The following PRKG1 variants were observed in gnomAD, a reference collection of about 807,000 sequenced individuals.
The protein encoded by PRKG1 is cGMP-dependent protein kinase 1.
PRKG1 carries 35 observed loss-of-function variants against 88.1 expected under a neutral mutation model. That is an observed-to-expected ratio of 0.40 (90% CI 0.30 to 0.53). The LOEUF (loss-of-function observed/expected upper bound fraction) is 0.53. Ranked by LOEUF, PRKG1 falls within the 20% of genes least tolerant of loss-of-function variation. PRKG1 has a pLI of 0.59. For synonymous variants in PRKG1, 303 were observed against 292.5 expected (o/e 1.04, Z -0.37); for missense variants, 540 against 839.8 (o/e 0.64, Z 4.41).
At chr10:51,623,387 A>G (rs1839257777) in intron 3 of PRKG1, among the ~76,000 whole-genome samples, 1 of 152,164 alleles carries the variant, frequency 6.6e-6, no homozygotes, top group African/African-American at 2.4e-5. Flanking sequence ...CTATTTGTAG[A>G]GACGGGATCT....
At chr10:51,878,857 A>T (rs1190592193) in intron 4 of PRKG1, among the ~76,000 whole-genome samples, 1 of 152,190 alleles carries the variant, frequency 6.6e-6, no homozygotes, top group African/African-American at 2.4e-5. Flanking sequence ...GAGAACAGAC[A>T]CACACATATT....
intron 4 of PRKG1, among the ~76,000 whole-genome samples, chr10:51,878,261 T>TGTGTGTGA (rs917600980): frequency 7.9e-5 from 12 of 151,958 alleles, no homozygotes; most frequent in Non-Finnish European, 1.8e-4. Flanking sequence ...TGTGTGTGTG[T>TGTGTGTGA]GTGTATCCAG....
intron 3 of PRKG1, among the ~76,000 whole-genome samples, chr10:51,668,664 T>C (rs1418909977): frequency 2.6e-5 from 4 of 152,226 alleles, no homozygotes; most frequent in African/African-American, 7.2e-5. Flanking sequence ...AGAGCCATCA[T>C]TTTTGTAACT....
At chr10:51,601,422 G>A (rs7092409) in intron 3 of PRKG1, among the ~76,000 whole-genome samples, 11,959 of 152,224 alleles carry the variant, frequency 0.079, 1,569 homozygotes, top group African/African-American at 0.27. Context: ...CTTTCTATGT[G>A]TGTTGTTTCT....
chr10:51,447,541 T>C (rs1839310226), intron 2 of PRKG1, among the ~76,000 whole-genome samples: 1 of 152,024 alleles, frequency 6.6e-6, no homozygotes. Context: ...ACTTAAAACC[T>C]CCCACTGCTA....
intron 2 of PRKG1, among the ~76,000 whole-genome samples, chr10:51,181,454 G>T (rs1475679030): frequency 6.7e-6 from 1 of 149,786 alleles, no homozygotes; most frequent in Non-Finnish European, 1.5e-5. Flanking sequence ...TGTTAGCCAG[G>T]ATGGTCTCGA....
At chr10:51,229,685 T>A (rs1838783652) in intron 2 of PRKG1, among the ~76,000 whole-genome samples, 1 of 151,782 alleles carries the variant, frequency 6.6e-6, no homozygotes, top group Non-Finnish European at 1.5e-5. Flanking sequence ...TCCCAGCAAT[T>A]TAGGAGGCTG....
At chr10:52,293,357 A>G (rs961164256) in intron 17 of PRKG1, among the ~76,000 whole-genome samples, 5 of 151,552 alleles carry the variant, frequency 3.3e-5, no homozygotes, top group African/African-American at 9.7e-5. Flanking sequence ...TATAGATTCA[A>G]TGCCATCCCC....
chr10:51,327,778 G>A (rs1193647643), intron 2 of PRKG1, among the ~76,000 whole-genome samples: 1 of 152,094 alleles, frequency 6.6e-6, no homozygotes, highest in Non-Finnish European at 1.5e-5. Context: ...AACATAGAAA[G>A]ACACAGTAGA....
intron 2 of PRKG1, among the ~76,000 whole-genome samples, chr10:51,390,086 A>C (rs1837358040): frequency 6.6e-6 from 1 of 152,214 alleles, no homozygotes. Context: ...TCAGTTGAAT[A>C]AGCTGAATTA....
At chr10:52,149,981 G>A (rs1361388095) in intron 8 of PRKG1, among the ~76,000 whole-genome samples, 1 of 151,554 alleles carries the variant, frequency 6.6e-6, no homozygotes, top group Non-Finnish European at 1.5e-5. Context: ...AACCTTGTCT[G>A]TACTAAAAAT....
intron 1 of PRKG1, among the ~76,000 whole-genome samples, chr10:51,129,684 T>C (rs1845516187): frequency 6.6e-6 from 1 of 152,212 alleles, no homozygotes; most frequent in Non-Finnish European, 1.5e-5. Context: ...ACAAGTCAGA[T>C]TGGAACCATG....
chr10:52,150,314 G>A (rs537587153), intron 8 of PRKG1, among the ~76,000 whole-genome samples: 11 of 151,968 alleles, frequency 7.2e-5, no homozygotes, highest in Admixed American at 3.3e-4. Context: ...TGCCAATTAC[G>A]GCTGGGATTG....
intron 5 of PRKG1, among the ~76,000 whole-genome samples, chr10:52,022,884 T>C (rs534122344): frequency 1.3e-3 from 196 of 152,276 alleles, no homozygotes; most frequent in Non-Finnish European, 2.1e-3. Context: ...ATTATTACTA[T>C]AAAAATGCAG....
At chr10:51,069,071 G>C (rs548372662) in intron 1 of PRKG1, among the ~76,000 whole-genome samples, 5 of 151,920 alleles carry the variant, frequency 3.3e-5, no homozygotes, top group African/African-American at 1.2e-4. Context: ...AGTTTAGCCT[G>C]AGACCCAATA....
intron 3 of PRKG1, among the ~76,000 whole-genome samples, chr10:51,634,117 G>A (rs541407903): frequency 9.3e-4 from 142 of 152,242 alleles, no homozygotes; most frequent in Admixed American, 1.8e-3. Context: ...AGAATGAAAT[G>A]TGTGTTTCAA....
chr10:51,434,885 G>A (rs1006807837), intron 2 of PRKG1, among the ~76,000 whole-genome samples: 3 of 151,990 alleles, frequency 2.0e-5, no homozygotes, highest in Non-Finnish European at 4.4e-5. Flanking sequence ...AAATATTAAT[G>A]TCTTCATTTC....
chr10:52,189,328 T>C (rs1185382747), intron 9 of PRKG1, among the ~76,000 whole-genome samples: 1 of 152,144 alleles, frequency 6.6e-6, no homozygotes, highest in Non-Finnish European at 1.5e-5. Flanking sequence ...GTTTGTGAAC[T>C]GAGGAGGCTG....
At chr10:51,775,438 T>C (rs1185983707) in intron 3 of PRKG1, among the ~76,000 whole-genome samples, 1 of 152,174 alleles carries the variant, frequency 6.6e-6, no homozygotes, top group East Asian at 1.9e-4. Flanking sequence ...AAAGGGCTTA[T>C]GACATGGACA....
Sources: allele counts gnomAD v4.1 joint callset (sites outside exome capture counted in the v4.1 genomes callset), GRCh38; gene constraint gnomAD v4.1.1; transcripts MANE v1.5; gene names NCBI Gene and HGNC (gene_info 2026-07-23, HGNC 2026-07-21).